DEAF1: variants seen among roughly 807,000 people sequenced by gnomAD.
DEAF1 encodes the protein DEAF1 transcription factor.
Under a neutral mutation model 58.9 loss-of-function variants are expected in DEAF1, and 53 were observed. The observed-to-expected ratio is 0.90, with a 90% CI of 0.72 to 1.13. The LOEUF is 1.13. DEAF1 is among the 50% of genes most tolerant of loss of function. The probability of loss-of-function intolerance (pLI) is 0.00; values close to 1 mark genes in which losing one functional copy is unlikely to be tolerated. For synonymous variants in DEAF1, 385 were observed against 340.4 expected (o/e 1.13, Z -1.44); for missense variants, 685 against 791.4 (o/e 0.87, Z 1.61).
chr11:703,796 T>C, intron 1 of DEAF1: 1 of 1,233,218 alleles, frequency 8.1e-7, no homozygotes, highest in Non-Finnish European at 1.0e-6. Flanking sequence ...ACTTCTCCCT[T>C]CAGGGGCTTC....
In DEAF1 at chr11:674,558, T is replaced by C. The variant is rs1859970517; in HGVS notation, c.1481A>G (p.His494Arg). 2 of 1,613,942 alleles carry C rather than the reference T, an allele frequency of 1.2e-6. No individual in the cohort carries two copies. Among genetic ancestry groups the C allele is most frequent in the East Asian group, 2.2e-5 (1 of 44,888 alleles). ...REAATNQAKI[H>R]ADAERKEQSC... ...TACCTCCTTCCGCTCTGCGTCAGCGTGGATCTTGGCCTGGTTTGTGGCAGC... is the reference window on the plus strand; with the variant it reads ...TACCTCCTTCCGCTCTGCGTCAGCGCGGATCTTGGCCTGGTTTGTGGCAGC... The change falls in exon 10 of 12, where the codon CAC becomes CGC. Residue 494 changes from histidine to arginine, a missense_variant. Physicochemically the swap from His to Arg is conservative, Grantham distance 29. Transcript: ENST00000382409.
chr11:644,668 C>T lies in DEAF1; in HGVS notation c.1594-14G>A, dbSNP rs1478561050. 3 of 1,596,466 alleles carry T rather than the reference C, an allele frequency of 1.9e-6. No homozygotes were observed. Among genetic ancestry groups the T allele is most frequent in the Admixed American group, 1.7e-5 (1 of 58,258 alleles). Reference sequence around the variant, plus strand: ...ATCCTTCCAGTCCTGGAAGGGAGGACACACCCATGTCAGCAGGGTCAGTGG... The same window carrying T: ...ATCCTTCCAGTCCTGGAAGGGAGGATACACCCATGTCAGCAGGGTCAGTGG... On this transcript the variant is annotated splice_polypyrimidine_tract_variant and intron_variant, in intron 11 of 11. Transcript: ENST00000382409. The surrounding 1 kb of genome is among the most constrained non-coding windows in gnomAD (Gnocchi z 4.3).
chr11:696,901 G>A (rs1270695187), upstream of DEAF1, among the ~76,000 whole-genome samples: 6 of 151,964 alleles, frequency 3.9e-5, no homozygotes, highest in African/African-American at 1.4e-4. Flanking sequence ...CCAACATGGA[G>A]AAACCCCGTC....
intron 11 of DEAF1, chr11:646,491 C>T (rs1424771365): frequency 6.6e-6 from 1 of 152,206 alleles, no homozygotes; most frequent in Non-Finnish European, 1.5e-5. Flanking sequence ...GGGCGGCGGA[C>T]AAGGCCCCCA....
chr11:657,238 T>C (rs1324899859), intron 10 of DEAF1, among the ~76,000 whole-genome samples: 1 of 152,060 alleles, frequency 6.6e-6, no homozygotes, highest in Non-Finnish European at 1.5e-5. Flanking sequence ...CCGGGGCTCC[T>C]TGGAGAAGGG....
upstream of DEAF1, chr11:699,792 A>G: frequency 4.3e-6 from 1 of 230,678 alleles, no homozygotes; most frequent in South Asian, 1.0e-4. Context: ...TTTCTCTCTT[A>G]ACTCATAACT....
At chr11:680,147 A>G in intron 7 of DEAF1, 1 of 367,458 alleles carries the variant, frequency 2.7e-6, no homozygotes, top group South Asian at 2.5e-5. Flanking sequence ...CGAATTAAGA[A>G]AAAATCTTTA....
chr11:700,735 ACCTGT>A, intron 1 of DEAF1: 1 of 1,579,146 alleles, frequency 6.3e-7, no homozygotes, highest in Non-Finnish European at 8.7e-7. Flanking sequence ...ACCGTGAAGA[ACCTGT>A]CCTAAGAGTT....
chr11:705,961 G>C (rs2133486459), intron 1 of DEAF1, among the ~76,000 whole-genome samples: 1 of 152,336 alleles, frequency 6.6e-6, no homozygotes, highest in East Asian at 1.9e-4. Context: ...TAGGGGCTAG[G>C]CCCGCGGAGG....
At chr11:696,307 G>A (rs535741618), upstream of DEAF1, among the ~76,000 whole-genome samples, 151 of 152,140 alleles carry the variant, frequency 9.9e-4, 1 homozygote, top group African/African-American at 3.5e-3. Context: ...CAGAGGAGCC[G>A]CCTTCTGCTG....
chr11:671,623 G>A (rs1016932105), intron 10 of DEAF1, among the ~76,000 whole-genome samples: 8 of 151,374 alleles, frequency 5.3e-5, no homozygotes, highest in Non-Finnish European at 1.0e-4. Context: ...TGTAATCTCA[G>A]CACTTTGGGA....
chr11:691,385 C>G, intron 2 of DEAF1, 116 bp downstream of exon 2: 2 of 948,918 alleles, frequency 2.1e-6, no homozygotes, highest in Non-Finnish European at 3.3e-6. Flanking sequence ...CGTCCCTCCC[C>G]AGCTCACAGA....
intron 1 of DEAF1, chr11:703,155 G>A (rs532167325): frequency 1.5e-5 from 24 of 1,599,352 alleles, no homozygotes; most frequent in South Asian, 1.1e-4. Flanking sequence ...AGGTAGCTAC[G>A]GACACCCGGG....
chr11:655,642 G>A (rs1056045014), intron 10 of DEAF1, among the ~76,000 whole-genome samples: 2 of 152,190 alleles, frequency 1.3e-5, no homozygotes, highest in African/African-American at 2.4e-5. Flanking sequence ...GCCCCTGCAC[G>A]CGTGCAGACC....
At chr11:674,285 C>T in intron 10 of DEAF1, 1 of 527,842 alleles carries the variant, frequency 1.9e-6, no homozygotes, top group South Asian at 2.0e-5. Flanking sequence ...GGCCGATGCG[C>T]ACAAAATTGT....
intron 8 of DEAF1, among the ~76,000 whole-genome samples, chr11:679,033 C>T (rs1310168669): frequency 6.6e-6 from 1 of 152,162 alleles, no homozygotes; most frequent in Non-Finnish European, 1.5e-5. Flanking sequence ...AAAAATCAGG[C>T]CGGGCGCGGT....
chr11:700,597 C>T (rs763788883), intron 1 of DEAF1: 135 of 1,607,848 alleles, frequency 8.4e-5, no homozygotes, highest in East Asian at 2.5e-4. Flanking sequence ...ATGTTCCGTC[C>T]GCGCCTCTGC....
At chr11:700,015 C>T, upstream of DEAF1, 1 of 712,874 alleles carries the variant, frequency 1.4e-6, no homozygotes. Flanking sequence ...TGAGCCATTG[C>T]CAAGACTCCA....
intron 10 of DEAF1, among the ~76,000 whole-genome samples, chr11:673,358 C>A (rs190167330): frequency 2.0e-4 from 31 of 151,714 alleles, no homozygotes; most frequent in Admixed American, 4.6e-4. Flanking sequence ...AAAACCCCGT[C>A]TCTACCAAAA....
Sources: gnomAD v4.1 joint callset for allele counts (sites outside exome capture counted in the v4.1 genomes callset) on GRCh38, gnomAD v4.1.1 for gene constraint, Gnocchi (gnomAD v3.1) non-coding constraint, MANE v1.5 for transcripts, NCBI Gene and HGNC (gene_info 2026-07-23, HGNC 2026-07-21) for gene names.